The following NKAIN2 variants were observed in gnomAD, a reference collection of about 807,000 sequenced individuals.
NKAIN2 encodes the protein sodium/potassium transporting ATPase interacting 2.
NKAIN2 carries 14 observed loss-of-function variants against 32.6 expected under a neutral mutation model. That is an observed-to-expected ratio of 0.43 (90% CI 0.28 to 0.67). NKAIN2 has a LOEUF of 0.67. Ranked by LOEUF, NKAIN2 falls within the 30% of genes least tolerant of loss-of-function variation. The pLI is 0.17. For missense variants in NKAIN2, 198 were observed against 258.3 expected, an observed-to-expected ratio of 0.77 and a Z score of 1.60; for synonymous variants, 80 against 87.2, an observed-to-expected ratio of 0.92 and a Z score of 0.46.
intron 1 of NKAIN2, among the ~76,000 whole-genome samples, chr6:124,200,370 G>A (rs1388190862): frequency 2.6e-5 from 4 of 152,212 alleles, no homozygotes; most frequent in East Asian, 1.9e-4. Flanking sequence ...GGAGTAAAGC[G>A]CAGGAAATGT....
intron 4 of NKAIN2, among the ~76,000 whole-genome samples, chr6:124,747,061 TTAATATCTTATCCTGTTTATGATAC>T (rs1777481840): frequency 2.0e-5 from 3 of 151,988 alleles, no homozygotes; most frequent in South Asian, 2.1e-4. Context: ...TCTCTATGAA[TTAATATCTTATCCTGTTTATGATAC>T]TAAATTCTCA....
chr6:124,151,453 G>A (rs1321798007), intron 1 of NKAIN2, among the ~76,000 whole-genome samples: 1 of 151,966 alleles, frequency 6.6e-6, no homozygotes, highest in African/African-American at 2.4e-5. Flanking sequence ...TTTCCAGTGT[G>A]AGTGTATGAT....
At chr6:123,840,842 T>C (rs1774839090) in intron 1 of NKAIN2, among the ~76,000 whole-genome samples, 1 of 152,190 alleles carries the variant, frequency 6.6e-6, no homozygotes, top group African/African-American at 2.4e-5. Flanking sequence ...GTTTATATAC[T>C]ATTTATATAT....
chr6:123,986,336 C>T (rs1160064228), intron 1 of NKAIN2, among the ~76,000 whole-genome samples: 1 of 152,094 alleles, frequency 6.6e-6, no homozygotes, highest in East Asian at 1.9e-4. Flanking sequence ...AGACTGCTAT[C>T]GTAGAAGGGC....
intron 1 of NKAIN2, among the ~76,000 whole-genome samples, chr6:124,056,581 ATAAT>A (rs1180247456): frequency 1.3e-4 from 20 of 152,170 alleles, no homozygotes; most frequent in African/African-American, 4.1e-4. Flanking sequence ...TGCATCATTA[ATAAT>A]TAATAGGATT....
chr6:124,478,491 C>T (rs939916941), intron 3 of NKAIN2, among the ~76,000 whole-genome samples: 3 of 152,160 alleles, frequency 2.0e-5, no homozygotes, highest in African/African-American at 7.2e-5. Context: ...AAAACATGTA[C>T]ACAATCACAC....
intron 1 of NKAIN2, among the ~76,000 whole-genome samples, chr6:124,237,503 G>A (rs527301374): frequency 6.6e-6 from 1 of 152,168 alleles, no homozygotes; most frequent in Non-Finnish European, 1.5e-5. Flanking sequence ...GGAATGATAG[G>A]ACAAGAAATT....
At chr6:124,212,872 G>A (rs1445497787) in intron 1 of NKAIN2, among the ~76,000 whole-genome samples, 2 of 151,874 alleles carry the variant, frequency 1.3e-5, no homozygotes, top group Middle Eastern at 3.2e-3. Context: ...AAAAACCCAG[G>A]AATAACATTC....
Position 123,804,125 on chromosome 6 carries a change from G to C in NKAIN2, c.-76G>C, listed in dbSNP as rs1363888373. 2.9e-6 allele frequency: 4 copies of C among 1,370,404 alleles called. No individual in the cohort carries two copies. Among genetic ancestry groups the C allele is most frequent in the Non-Finnish European group, 2.1e-6 (2 of 958,294 alleles). 84.9% of individuals were successfully genotyped at this position (1,370,404 alleles called of 1,614,324 possible). A position where few individuals can be genotyped will look rare whatever the true frequency, so the allele number is the denominator to read the frequency against. On this transcript the variant is annotated 5_prime_UTR_variant, in exon 1 of 7. Transcript: ENST00000368417. ...GGCAGGTTTGCGTGTCCTTCCCCGC[G>C]ATCTGATTGGATAAAGTGGGGGCTC...
chr6:124,148,061 T>G (rs1203926284), intron 1 of NKAIN2, among the ~76,000 whole-genome samples: 2 of 152,154 alleles, frequency 1.3e-5, no homozygotes, highest in African/African-American at 4.8e-5. Flanking sequence ...CTTTAATTCC[T>G]TTCTGCAAAT....
At chr6:124,351,508 C>CAAAAAA (rs397956239) in intron 2 of NKAIN2, among the ~76,000 whole-genome samples, 2 of 109,008 alleles carry the variant, frequency 1.8e-5, no homozygotes, top group African/African-American at 3.2e-5. Context: ...TCAAAAAAAC[C>CAAAAAA]AAAAAAAAAA....
chr6:124,492,474 T>C (rs2114727337), intron 3 of NKAIN2, among the ~76,000 whole-genome samples: 1 of 151,984 alleles, frequency 6.6e-6, no homozygotes, highest in Non-Finnish European at 1.5e-5. Flanking sequence ...TGGAGTGAAT[T>C]ATGGCACCTA....
At chr6:123,906,657 A>G (rs775668484) in intron 1 of NKAIN2, among the ~76,000 whole-genome samples, 5 of 152,074 alleles carry the variant, frequency 3.3e-5, no homozygotes, top group Non-Finnish European at 7.4e-5. Context: ...CTTCATTACC[A>G]TATTTCTTTA....
At chr6:123,834,457 T>C (rs1774527790) in intron 1 of NKAIN2, among the ~76,000 whole-genome samples, 1 of 152,146 alleles carries the variant, frequency 6.6e-6, no homozygotes, top group African/African-American at 2.4e-5. Flanking sequence ...ACCTGGCTGT[T>C]CCAGGAGTTT....
intron 1 of NKAIN2, among the ~76,000 whole-genome samples, chr6:123,928,809 G>A (rs544614540): frequency 9.9e-5 from 15 of 152,166 alleles, no homozygotes; most frequent in African/African-American, 3.4e-4. Context: ...GGATGAAAAC[G>A]TCCATGGCAA....
intron 1 of NKAIN2, among the ~76,000 whole-genome samples, chr6:124,017,567 G>A (rs1780639648): frequency 6.6e-6 from 1 of 152,158 alleles, no homozygotes; most frequent in Admixed American, 6.5e-5. Flanking sequence ...TAGGCATTGG[G>A]TAAACAGCCA....
At chr6:124,621,915 G>A (rs933092477) in intron 3 of NKAIN2, among the ~76,000 whole-genome samples, 1 of 151,966 alleles carries the variant, frequency 6.6e-6, no homozygotes, top group African/African-American at 2.4e-5. Flanking sequence ...TCCCAGGCTG[G>A]GAATCTCAGT....
At chr6:124,529,526 C>G (rs149547041) in intron 3 of NKAIN2, among the ~76,000 whole-genome samples, 64 of 152,256 alleles carry the variant, frequency 4.2e-4, no homozygotes, top group African/African-American at 1.5e-3. Context: ...GTCCACTTTG[C>G]ATGGTGGTTC....
chr6:123,933,836 C>T (rs1394195926), intron 1 of NKAIN2, among the ~76,000 whole-genome samples: 2 of 152,170 alleles, frequency 1.3e-5, no homozygotes, highest in African/African-American at 4.8e-5. Flanking sequence ...GAATTCAGTG[C>T]TCACGGGTCA....
Sources: allele counts gnomAD v4.1 joint callset (sites outside exome capture counted in the v4.1 genomes callset), GRCh38; gene constraint gnomAD v4.1.1; transcripts MANE v1.5; gene names NCBI Gene and HGNC (gene_info 2026-07-23, HGNC 2026-07-21).